SENP2: variants seen among roughly 807,000 people sequenced by gnomAD.
SENP2 encodes SUMO specific peptidase 2.
A neutral mutation model predicts 86.3 loss-of-function variants in SENP2; 16 were observed. That is an observed-to-expected ratio of 0.19 (90% CI 0.13 to 0.28). SENP2 has a LOEUF of 0.28. Among genes scored for constraint, SENP2 ranks in the 10% least tolerant of loss-of-function variants. SENP2 has a pLI of 1.00. For missense variants in SENP2, 552 were observed against 703.0 expected, an observed-to-expected ratio of 0.79 and a Z score of 2.43; for synonymous variants, 222 against 238.7, an observed-to-expected ratio of 0.93 and a Z score of 0.64.
At chr3:185,623,953 C>A (rs748491460) in intron 14 of SENP2, 45 bp from the exon 15 acceptor site, 9 of 1,144,944 alleles carry the variant, frequency 7.9e-6, no homozygotes, top group African/African-American at 1.6e-5. Flanking sequence ...TGGTTAATTT[C>A]TTTAGGGATT....
chr3:185,613,737 A>AG (rs1370459753), intron 10 of SENP2: 1 of 177,976 alleles, frequency 5.6e-6, no homozygotes, highest in East Asian at 1.8e-4. Flanking sequence ...CTAAGGTGGG[A>AG]GGATTGCTTG....
In SENP2 at chr3:185,586,554, C is replaced by T. The variant is rs1721788952; in HGVS notation, c.101+40C>T. 2 of 1,569,220 alleles carry T rather than the reference C, an allele frequency of 1.3e-6. No individual in the cohort carries two copies. Among genetic ancestry groups the T allele is most frequent in the Non-Finnish European group, 1.7e-6 (2 of 1,146,454 alleles). ...GGCTGAGCGCCAGCCTGGCCTTACC[C>T]CCTCCCCCACAGCGGGCTCCTCGGC... On this transcript the variant is annotated intron_variant, in intron 1 of 16. Transcript: ENST00000296257. The surrounding 1 kb of genome is among the most constrained non-coding windows in gnomAD (Gnocchi z 4.3).
chr3:185,619,301 C>T lies in SENP2; in HGVS notation c.1245C>T (p.Val415=), dbSNP rs775169282. The change falls in exon 13 of 17, where the codon GTC becomes GTT. Residue 415 remains valine, a splice_region_variant and synonymous_variant. Coordinates refer to ENST00000296257, the MANE Select transcript of SENP2 (RefSeq NM_021627.3). The part of the protein sequence containing the change: ...LKNYHWLNDE[V]INFYMNLLVE... Reference sequence around the variant, plus strand: ...TTTGCTCCCTTGGTATTTTGTAGGTCATTAATTTTTACATGAATCTTCTGG... The same window carrying T: ...TTTGCTCCCTTGGTATTTTGTAGGTTATTAATTTTTACATGAATCTTCTGG... 1 of 1,610,560 alleles carries T rather than the reference C, an allele frequency of 6.2e-7. No individual in the cohort carries two copies. Among genetic ancestry groups the T allele is most frequent in the East Asian group, 2.2e-5 (1 of 44,862 alleles).
At chr3:185,603,285 A>G (rs1387302669) in intron 5 of SENP2, among the ~76,000 whole-genome samples, 1 of 152,210 alleles carries the variant, frequency 6.6e-6, no homozygotes, top group Admixed American at 6.5e-5. Context: ...CCAAAAGATC[A>G]AAGTGAAGTT....
intron 10 of SENP2, among the ~76,000 whole-genome samples, chr3:185,613,958 C>A (rs1711507843): frequency 6.6e-6 from 1 of 151,952 alleles, no homozygotes; most frequent in Non-Finnish European, 1.5e-5. Context: ...GCCTCCATAC[C>A]AACATGTTAC....
intron 10 of SENP2, among the ~76,000 whole-genome samples, chr3:185,614,109 A>G (rs1191261340): frequency 6.6e-6 from 1 of 152,174 alleles, no homozygotes; most frequent in Non-Finnish European, 1.5e-5. Context: ...ATTAAGTGGT[A>G]CATTAATGTT....
chr3:185,632,213 G>GTTTTTTTTTTGTT lies in SENP2; in HGVS notation c.*2393_*2405dup, dbSNP rs775103757. On this transcript the variant is annotated 3_prime_UTR_variant, in exon 17 of 17. Transcript: ENST00000296257. ...CAAATTATCACCATTAAAGCCAGTG[G>GTTTTTTTTTTGTT]TTTTTTTTTTGTTTTTTTTTTTTGT... 1.6e-5 allele frequency: 2 copies of GTTTTTTTTTTGTT among 125,324 alleles called. No homozygotes were observed. Among genetic ancestry groups the GTTTTTTTTTTGTT allele is most frequent in the Non-Finnish European group, 3.3e-5 (2 of 60,738 alleles). The allele number at this position is 125,324 out of a possible 1,614,324, so 7.8% of individuals were successfully genotyped here. A position where few individuals can be genotyped will look rare whatever the true frequency, so the allele number is the denominator to read the frequency against.
At chr3:185,595,328 C>T (rs1217040011) in intron 2 of SENP2, among the ~76,000 whole-genome samples, 1 of 152,204 alleles carries the variant, frequency 6.6e-6, no homozygotes. Context: ...TCTTCTTCTC[C>T]TCCTTAGAAA....
At position 185,629,934 on chromosome 3, in the gene SENP2, A is replaced by C. The variant is rs1712339580; in HGVS notation, c.*90A>C. 1.1e-5 allele frequency: 14 copies of C among 1,283,634 alleles called. No homozygotes were observed. In the South Asian group the frequency reaches 1.6e-4, roughly 14 times the overall value. 79.5% of individuals were successfully genotyped at this position (1,283,634 alleles called of 1,614,324 possible). On this transcript the variant is annotated 3_prime_UTR_variant, in exon 17 of 17. Coordinates refer to ENST00000296257, the MANE Select transcript of SENP2 (RefSeq NM_021627.3). ...GCATTGTGGGTTAAAAAGTCCCTGCATCACTTCTGTTCTCACAGGTACTGA... is the reference window on the plus strand; with the variant it reads ...GCATTGTGGGTTAAAAAGTCCCTGCCTCACTTCTGTTCTCACAGGTACTGA...
chr3:185,627,544 C>G (rs1712209301), intron 16 of SENP2, among the ~76,000 whole-genome samples: 1 of 152,208 alleles, frequency 6.6e-6, no homozygotes, highest in Non-Finnish European at 1.5e-5. Context: ...TCCCCAGTAG[C>G]TGGGACTACA....
chr3:185,614,274 T>G (rs909485963), intron 10 of SENP2, among the ~76,000 whole-genome samples: 4 of 152,234 alleles, frequency 2.6e-5, no homozygotes, highest in African/African-American at 9.6e-5. Context: ...TTAAACATAC[T>G]AATTTTAATT....
rs578130811 is a variant in SENP2 at position 185,619,739 on chromosome 3, A to T, written c.1446+237A>T. Among the ~76,000 whole-genome samples, 10 of 151,454 alleles carry T rather than the reference A, an allele frequency of 6.6e-5. No individual in the cohort carries two copies. In the East Asian group the frequency reaches 1.4e-3, roughly 21 times the overall value. ...TGTTTATTTTATTTTACTATTTTTT[A>T]AAATTACAGACCAGGTCTCGCTCTG... On this transcript the variant is annotated intron_variant, in intron 13 of 16. Coordinates refer to ENST00000296257, the MANE Select transcript of SENP2 (RefSeq NM_021627.3).
chr3:185,592,609 A>G lies in SENP2; in HGVS notation c.157+2440A>G, dbSNP rs1722043140. On this transcript the variant is annotated intron_variant, in intron 2 of 16. Coordinates refer to ENST00000296257, the MANE Select transcript of SENP2 (RefSeq NM_021627.3). ...TACAGAAAATACAAAAATTAGTAAGACAGGGTCTCCTTTTTTTTTTTTTTT... is the reference window on the plus strand; with the variant it reads ...TACAGAAAATACAAAAATTAGTAAGGCAGGGTCTCCTTTTTTTTTTTTTTT... Among the ~76,000 whole-genome samples, 2 of 145,120 alleles carry G rather than the reference A, an allele frequency of 1.4e-5. 1 individual carries two copies. The highest frequency in any genetic ancestry group is 4.7e-4 in the South Asian group (2 of 4,270).
Position 185,624,054 on chromosome 3 carries a change from A to T in SENP2, c.1583A>T (p.Glu528Val). 6.2e-7 allele frequency: 1 copy of T among 1,612,940 alleles called. No individual in the cohort carries two copies. Among genetic ancestry groups the T allele is most frequent in the Non-Finnish European group, 8.5e-7 (1 of 1,179,392 alleles). The change falls in exon 15 of 17, where the codon GAG becomes GTG. Residue 528 changes from glutamate (E) to valine (V), a missense_variant. Coordinates refer to ENST00000296257, the MANE Select transcript of SENP2 (RefSeq NM_021627.3). ...AGAAATAGTGATCTGAATCTTTTAG[A>T]GTGGACCCATCACAGCATGAAACCA... ...TKRNSDLNLLEWTHHSMKPHE... is the reference protein window; with the variant it reads ...TKRNSDLNLLVWTHHSMKPHE...
chr3:185,599,251 A>C (rs1043160377), intron 4 of SENP2, among the ~76,000 whole-genome samples: 1 of 152,224 alleles, frequency 6.6e-6, no homozygotes, highest in Non-Finnish European at 1.5e-5. Flanking sequence ...GATCAAGGTC[A>C]TATTAAAAAG....
In SENP2 at chr3:185,631,146, C is replaced by A. The variant is rs1712439477; in HGVS notation, c.*1302C>A. On this transcript the variant is annotated 3_prime_UTR_variant, in exon 17 of 17. Coordinates refer to ENST00000296257, the MANE Select transcript of SENP2 (RefSeq NM_021627.3). The stretch of plus-strand genomic sequence containing the variant: ...CTAACCCTCTCCCTACTTAAACCTC[C>A]CAGACTTGTTCTGGTTCATAAAAGC... The A allele has an allele frequency of 6.6e-6, 1 of 152,016 alleles. No individual in the cohort carries two copies. 9.4% of individuals were successfully genotyped at this position (152,016 alleles called of 1,614,324 possible). A position where few individuals can be genotyped will look rare whatever the true frequency, so the allele number is the denominator to read the frequency against.
intron 5 of SENP2, among the ~76,000 whole-genome samples, chr3:185,605,821 G>T (rs1722493102): frequency 6.6e-6 from 1 of 152,168 alleles, no homozygotes. Flanking sequence ...CCAGGCTTCA[G>T]TTCCTTTAGT....
At chr3:185,613,610 C>G (rs1459828148) in intron 10 of SENP2, 1 of 342,172 alleles carries the variant, frequency 2.9e-6, no homozygotes, top group Non-Finnish European at 5.3e-6. Context: ...GCAGAAGGAT[C>G]ACTTGAGCCC....
At chr3:185,607,316 A>ATTTT in intron 6 of SENP2, among the ~76,000 whole-genome samples, 1 of 95,736 alleles carries the variant, frequency 1.0e-5, no homozygotes. Context: ...ATAAGATTAG[A>ATTTT]TTCTTTTTTT....
Sources: gnomAD v4.1 joint callset for allele counts (sites outside exome capture counted in the v4.1 genomes callset) on GRCh38, gnomAD v4.1.1 for gene constraint, Gnocchi (gnomAD v3.1) non-coding constraint, MANE v1.5 for transcripts, NCBI Gene and HGNC (gene_info 2026-07-23, HGNC 2026-07-21) for gene names.